Variants in EYA1 observed in about 807,000 individuals in gnomAD.
The protein encoded by EYA1 is protein phosphatase EYA1.
EYA1 carries 16 observed loss-of-function variants against 82.0 expected under a neutral mutation model. The observed-to-expected ratio is 0.20, with a 90% CI of 0.13 to 0.30. The LOEUF is 0.30. EYA1 is among the 10% of genes least tolerant of loss of function. The pLI is 1.00. For missense variants in EYA1, 633 were observed against 730.7 expected (o/e 0.87, Z 1.54); for synonymous variants, 261 against 264.4 (o/e 0.99, Z 0.12).
At chr8:71,300,587 T>A (rs541344213) in intron 7 of EYA1, among the ~76,000 whole-genome samples, 1 of 152,266 alleles carries the variant, frequency 6.6e-6, no homozygotes, top group South Asian at 2.1e-4. Context: ...TTGAGAAATT[T>A]CGTATGCCAT....
intron 7 of EYA1, among the ~76,000 whole-genome samples, chr8:71,311,655 C>T (rs1246939691): frequency 6.6e-6 from 1 of 152,230 alleles, no homozygotes; most frequent in African/African-American, 2.4e-5. Context: ...GCAAAGATTT[C>T]ACCTCCTCAG....
chr8:71,244,045 A>G (rs1224372248), intron 12 of EYA1, among the ~76,000 whole-genome samples: 1 of 152,256 alleles, frequency 6.6e-6, no homozygotes, highest in Non-Finnish European at 1.5e-5. Flanking sequence ...TGTGATTGTC[A>G]GTGCCTGTAA....
chr8:71,208,660 A>G (rs1585772684), intron 17 of EYA1, among the ~76,000 whole-genome samples: 1 of 152,138 alleles, frequency 6.6e-6, no homozygotes, highest in Non-Finnish European at 1.5e-5. Context: ...GCAAACCAAC[A>G]TGGCACATGT....
chr8:71,460,250 A>G (rs1237718716), intron 2 of EYA1, among the ~76,000 whole-genome samples: 1 of 152,202 alleles, frequency 6.6e-6, no homozygotes, highest in Non-Finnish European at 1.5e-5. Context: ...TGGTATCCTG[A>G]GAAGCTTGAA....
intron 11 of EYA1, among the ~76,000 whole-genome samples, chr8:71,266,184 T>C (rs1815782957): frequency 6.6e-6 from 1 of 152,216 alleles, no homozygotes; most frequent in Admixed American, 6.5e-5. Context: ...TGTCAGGCAT[T>C]CATTCTTTAT....
chr8:71,530,976 A>T (rs568607409), intron 2 of EYA1: 2 of 152,230 alleles, frequency 1.3e-5, no homozygotes, highest in Non-Finnish European at 2.9e-5. Flanking sequence ...TCTACCATTT[A>T]TAACAAAATG....
chr8:71,346,018 G>GCACA (rs1386956496), intron 3 of EYA1, among the ~76,000 whole-genome samples: 1 of 150,568 alleles, frequency 6.6e-6, no homozygotes, highest in East Asian at 2.0e-4. Flanking sequence ...GCACACGTGC[G>GCACA]CGCACACACA....
At chr8:71,235,009 C>T (rs1811659634) in intron 12 of EYA1, among the ~76,000 whole-genome samples, 1 of 152,132 alleles carries the variant, frequency 6.6e-6, no homozygotes, top group South Asian at 2.1e-4. Context: ...CTTTCCCTCC[C>T]CACCTACGTC....
chr8:71,334,132 G>T lies in EYA1; in HGVS notation c.167C>A (p.Thr56Lys). The T allele has an allele frequency of 6.2e-7, 1 of 1,613,678 alleles. No homozygotes were observed. The highest frequency in any genetic ancestry group is 1.7e-4 in the Middle Eastern group (1 of 6,056). Residue 56 changes from threonine to lysine, a missense_variant, in exon 4 of 18, where the codon ACA (threonine) becomes AAA (lysine). Physicochemically the swap from Thr to Lys is moderately conservative, Grantham distance 78 (BLOSUM62 -1). Coordinates refer to ENST00000340726, the MANE Select transcript of EYA1 (RefSeq NM_000503.6). ...PMSSSETASTTADGSLNNFSG... is the reference protein window; with the variant it reads ...PMSSSETASTKADGSLNNFSG... ...GAAATTGTTTAAAGACCCGTCGGCT[G>T]TCGTTGAAGCTGTTTCACTGCTGCT...
chr8:71,520,974 T>A (rs73293194), intron 2 of EYA1, among the ~76,000 whole-genome samples: 15,325 of 152,092 alleles, frequency 0.1, 1,636 homozygotes, highest in East Asian at 0.49. Flanking sequence ...CAACAGGTAA[T>A]TAAATTTGAT....
intron 2 of EYA1, among the ~76,000 whole-genome samples, chr8:71,478,531 C>CTTA (rs1809848500): frequency 6.6e-6 from 1 of 152,122 alleles, no homozygotes; most frequent in Non-Finnish European, 1.5e-5. Flanking sequence ...TGGGAGTAAA[C>CTTA]GAAATGAGCT....
chr8:71,368,244 T>TA (rs397892872), intron 2 of EYA1, among the ~76,000 whole-genome samples: 5 of 152,048 alleles, frequency 3.3e-5, no homozygotes, highest in African/African-American at 1.2e-4. Context: ...CTTGTTTTTT[T>TA]AATCAATACA....
At chr8:71,505,135 C>T (rs1812097052) in intron 2 of EYA1, among the ~76,000 whole-genome samples, 1 of 152,158 alleles carries the variant, frequency 6.6e-6, no homozygotes, top group South Asian at 2.1e-4. Context: ...CAAGTGGAGC[C>T]AAAATTTCAC....
chr8:71,297,102 A>G (rs548973570), intron 9 of EYA1, among the ~76,000 whole-genome samples: 2 of 152,272 alleles, frequency 1.3e-5, no homozygotes, highest in East Asian at 3.9e-4. Flanking sequence ...ACTCATTCCT[A>G]TTCTTTTCCC....
intron 2 of EYA1, among the ~76,000 whole-genome samples, chr8:71,501,899 C>G (rs1233883716): frequency 6.6e-6 from 1 of 152,196 alleles, no homozygotes; most frequent in Non-Finnish European, 1.5e-5. Flanking sequence ...GTGTGTGCAA[C>G]TAGAACAACA....
At chr8:71,525,869 G>T (rs1352886740) in intron 2 of EYA1, among the ~76,000 whole-genome samples, 1 of 152,090 alleles carries the variant, frequency 6.6e-6, no homozygotes, top group African/African-American at 2.4e-5. Flanking sequence ...TTGGCTCCAG[G>T]CAATTGTACT....
At chr8:71,384,860 G>T (rs1828891302) in intron 2 of EYA1, among the ~76,000 whole-genome samples, 1 of 152,076 alleles carries the variant, frequency 6.6e-6, no homozygotes, top group Non-Finnish European at 1.5e-5. Context: ...GATATAGATT[G>T]TCGTGCTTTC....
rs1055953389 is a variant in EYA1 at position 71,473,227 on chromosome 8, C to T, written c.33+62517G>A. ...GGGATCTAATTAAACTAAAAAGCTT[C>T]TGCACAGCAAAAGAAATTATCATCA... is the stretch of plus-strand genomic sequence containing the variant. On this transcript the variant is annotated intron_variant, in intron 2 of 18. Transcript: ENST00000643681. Among the ~76,000 whole-genome samples the T allele has an allele frequency of 3.3e-5, 5 of 151,908 alleles. No individual in the cohort carries two copies. In the South Asian group the frequency reaches 6.2e-4, roughly 19 times the overall value.
intron 4 of EYA1, among the ~76,000 whole-genome samples, chr8:71,325,468 G>C (rs996996605): frequency 3.3e-5 from 5 of 152,130 alleles, no homozygotes; most frequent in African/African-American, 9.7e-5. Context: ...TATTTCCTCA[G>C]CACCTGACAG....
Sources: gnomAD v4.1 joint callset for allele counts (sites outside exome capture counted in the v4.1 genomes callset) on GRCh38, gnomAD v4.1.1 for gene constraint, MANE v1.5 for transcripts, NCBI Gene and HGNC (gene_info 2026-07-23, HGNC 2026-07-21) for gene names.